Variants in NPSR1 observed in about 807,000 individuals in gnomAD.
NPSR1 encodes neuropeptide S receptor 1.
Under a neutral mutation model 46.9 loss-of-function variants are expected in NPSR1, and 48 were observed. That is an observed-to-expected ratio of 1.02 (90% CI 0.81 to 1.30). NPSR1 has a LOEUF of 1.30. Among genes scored for constraint, NPSR1 ranks in the 50% most tolerant of loss-of-function variants. The pLI, the probability that NPSR1 is intolerant of heterozygous loss-of-function variation, is 0.00. For synonymous variants in NPSR1, 176 were observed against 168.1 expected (o/e 1.05, Z -0.36); for missense variants, 450 against 449.5 (o/e 1.00, Z -0.01).
intron 7 of NPSR1, among the ~76,000 whole-genome samples, chr7:34,847,983 G>A (rs1165343890): frequency 2.0e-5 from 3 of 152,200 alleles, no homozygotes; most frequent in Admixed American, 1.3e-4. Flanking sequence ...ACTTAGGGGT[G>A]AAAGAGAACA....
chr7:34,821,538 T>C (rs1343202555), intron 4 of NPSR1, among the ~76,000 whole-genome samples: 3 of 152,066 alleles, frequency 2.0e-5, no homozygotes, highest in Non-Finnish European at 4.4e-5. Flanking sequence ...TGAAGAAATA[T>C]AAGTGAAGGA....
At chr7:34,719,866 T>A (rs888628692) in intron 2 of NPSR1, 9 of 151,802 alleles carry the variant, frequency 5.9e-5, no homozygotes, top group South Asian at 4.2e-4. Context: ...TGACAGACAG[T>A]CTAATGTCAG....
At chr7:34,693,686 C>T (rs113986510) in intron 2 of NPSR1, among the ~76,000 whole-genome samples, 1 of 152,044 alleles carries the variant, frequency 6.6e-6, no homozygotes, top group Non-Finnish European at 1.5e-5. Context: ...GACACAACAA[C>T]AACAATACAA....
intron 2 of NPSR1, among the ~76,000 whole-genome samples, chr7:34,774,630 T>G (rs1397409805): frequency 6.6e-6 from 1 of 152,214 alleles, no homozygotes; most frequent in Non-Finnish European, 1.5e-5. Flanking sequence ...TTCAGAGCCC[T>G]AGGGGCCTGC....
chr7:34,730,294 T>C (rs1029765640), intron 2 of NPSR1, among the ~76,000 whole-genome samples: 8 of 152,196 alleles, frequency 5.3e-5, no homozygotes, highest in African/African-American at 9.7e-5. Flanking sequence ...CTCCAGCACA[T>C]TGATGTTCCT....
At chr7:34,717,570 C>T (rs1783642591) in intron 2 of NPSR1, among the ~76,000 whole-genome samples, 2 of 152,126 alleles carry the variant, frequency 1.3e-5, no homozygotes, top group Non-Finnish European at 2.9e-5. Flanking sequence ...GAAAATGATC[C>T]AAATGAGAAC....
intron 2 of NPSR1, among the ~76,000 whole-genome samples, chr7:34,747,387 G>T (rs763620166): frequency 1.6e-4 from 25 of 152,292 alleles, no homozygotes; most frequent in Non-Finnish European, 1.8e-4. Flanking sequence ...ACAGCCACTT[G>T]TGGGTCTCTG....
intron 5 of NPSR1, among the ~76,000 whole-genome samples, chr7:34,829,000 T>A (rs1222854840): frequency 6.6e-6 from 1 of 152,234 alleles, no homozygotes; most frequent in Non-Finnish European, 1.5e-5. Flanking sequence ...TATTTCATTG[T>A]TTTAATATGC....
chr7:34,746,073 T>G (rs572710503), intron 2 of NPSR1, among the ~76,000 whole-genome samples: 1 of 152,350 alleles, frequency 6.6e-6, no homozygotes, highest in East Asian at 1.9e-4. Context: ...ACCACTTCAC[T>G]AAAGCATCCA....
chr7:34,667,844 C>T (rs895606012), intron 1 of NPSR1, among the ~76,000 whole-genome samples: 2 of 152,020 alleles, frequency 1.3e-5, no homozygotes, highest in Non-Finnish European at 1.5e-5. Context: ...TCTGTCTCCC[C>T]CTTTCTCACC....
At chr7:34,831,887 A>C (rs1790137832) in intron 5 of NPSR1, among the ~76,000 whole-genome samples, 1 of 152,152 alleles carries the variant, frequency 6.6e-6, no homozygotes, top group African/African-American at 2.4e-5. Context: ...GTCATGGATC[A>C]TTGATTTGTC....
At chr7:34,746,470 A>T (rs1416009961) in intron 2 of NPSR1, among the ~76,000 whole-genome samples, 1 of 152,208 alleles carries the variant, frequency 6.6e-6, no homozygotes, top group South Asian at 2.1e-4. Flanking sequence ...GTATGTATGT[A>T]TAAAAGAAAA....
At position 34,835,055 on chromosome 7, in the gene NPSR1, C is replaced by T. The variant is rs189534177; in HGVS notation, c.757+595C>T. Among the ~76,000 whole-genome samples, 9 of 152,300 alleles carry T rather than the reference C, an allele frequency of 5.9e-5. No homozygotes were observed. In the East Asian group the frequency reaches 1.7e-3, roughly 29 times the overall value. On this transcript the variant is annotated intron_variant, in intron 6 of 8. Coordinates refer to ENST00000360581, the MANE Select transcript of NPSR1 (RefSeq NM_207172.2). ...CCTCTCGTATGCAATAGACTCTGAG[C>T]CCTGGAAGCCTACCCTGCTTCCCAG...
intron 2 of NPSR1, among the ~76,000 whole-genome samples, chr7:34,744,578 T>C (rs1445742250): frequency 6.6e-6 from 1 of 152,222 alleles, no homozygotes; most frequent in African/African-American, 2.4e-5. Flanking sequence ...AGTGTTACCC[T>C]TGGACTCAGA....
chr7:34,765,519 G>A (rs374922265), intron 2 of NPSR1, among the ~76,000 whole-genome samples: 15 of 152,208 alleles, frequency 9.9e-5, no homozygotes, highest in African/African-American at 3.4e-4. Flanking sequence ...AGTCTGGAGA[G>A]TTCTCAAAAA....
intron 3 of NPSR1, among the ~76,000 whole-genome samples, chr7:34,788,326 A>G (rs532378743): frequency 1.3e-5 from 2 of 152,066 alleles, no homozygotes; most frequent in East Asian, 3.8e-4. Context: ...CAACCACAGA[A>G]GAAGACAGGA....
At chr7:34,692,661 C>G (rs1793325586) in intron 2 of NPSR1, among the ~76,000 whole-genome samples, 1 of 151,604 alleles carries the variant, frequency 6.6e-6, no homozygotes, top group East Asian at 1.9e-4. Flanking sequence ...CGAGAACAAG[C>G]CAAATCCAAA....
At chr7:34,726,432 A>T (rs1265881611) in intron 2 of NPSR1, among the ~76,000 whole-genome samples, 2 of 152,222 alleles carry the variant, frequency 1.3e-5, no homozygotes, top group East Asian at 3.8e-4. Flanking sequence ...TAGGACTGTC[A>T]CTTTGGAAGA....
chr7:34,751,963 C>T, intron 2 of NPSR1: 1 of 1,049,616 alleles, frequency 9.5e-7, no homozygotes, highest in South Asian at 1.3e-5. Context: ...TGACGTTTGC[C>T]CAGAGAAGTC....
Sources: gnomAD v4.1 joint callset for allele counts (sites outside exome capture counted in the v4.1 genomes callset) on GRCh38, gnomAD v4.1.1 for gene constraint, MANE v1.5 for transcripts, NCBI Gene and HGNC (gene_info 2026-07-23, HGNC 2026-07-21) for gene names.